DYNC1I1: variants seen among roughly 807,000 people sequenced by gnomAD.
DYNC1I1 encodes dynein cytoplasmic 1 intermediate chain 1, also known as cytoplasmic dynein 1 intermediate chain 1.
DYNC1I1 carries 43 observed loss-of-function variants against 86.6 expected under a neutral mutation model. The observed-to-expected ratio is 0.50, with a 90% CI of 0.39 to 0.64. The LOEUF (loss-of-function observed/expected upper bound fraction) is 0.64. DYNC1I1 is among the 30% of genes least tolerant of loss of function. The pLI is 0.00. For synonymous variants in DYNC1I1, 262 were observed against 283.7 expected (o/e 0.92, Z 0.77); for missense variants, 604 against 788.8 (o/e 0.77, Z 2.81).
intron 1 of DYNC1I1, among the ~76,000 whole-genome samples, chr7:95,791,245 A>T (rs1236030047): frequency 6.6e-6 from 1 of 152,196 alleles, no homozygotes; most frequent in Admixed American, 6.5e-5. Flanking sequence ...TGGGGGTTGC[A>T]AAAACAGCTG....
At chr7:95,777,851 T>TC (rs1793885566) in intron 1 of DYNC1I1, among the ~76,000 whole-genome samples, 1 of 152,200 alleles carries the variant, frequency 6.6e-6, no homozygotes, top group African/African-American at 2.4e-5. Flanking sequence ...CATTTTTTTT[T>TC]CTCTTTTATA....
At position 96,098,394 on chromosome 7, in the gene DYNC1I1, A is replaced by G; in HGVS notation, c.*801A>G. ...AAAGTCTATGGTTCCTAAATATGAC[A>G]TCAGTGTTGCCAATAAAATGTTTCA... On this transcript the variant is annotated 3_prime_UTR_variant, in exon 17 of 17. Transcript: ENST00000447467. 1.0e-6 allele frequency: 1 copy of G among 985,564 alleles called. No homozygotes were observed. Among genetic ancestry groups the G allele is most frequent in the Non-Finnish European group, 1.2e-6 (1 of 829,946 alleles). 61.1% of individuals were successfully genotyped at this position (985,564 alleles called of 1,614,324 possible).
At chr7:95,844,259 A>G (rs949751428) in intron 5 of DYNC1I1, among the ~76,000 whole-genome samples, 2 of 152,230 alleles carry the variant, frequency 1.3e-5, no homozygotes, top group Non-Finnish European at 2.9e-5. Flanking sequence ...ACGTATTAGT[A>G]TATCAAACTC....
At chr7:95,809,084 T>G (rs1057003502) in intron 2 of DYNC1I1, among the ~76,000 whole-genome samples, 1 of 152,170 alleles carries the variant, frequency 6.6e-6, no homozygotes, top group Non-Finnish European at 1.5e-5. Flanking sequence ...CTAAGACTCT[T>G]ATAAGCCCTT....
chr7:95,878,097 G>T (rs960135928), intron 6 of DYNC1I1, among the ~76,000 whole-genome samples: 1 of 152,058 alleles, frequency 6.6e-6, no homozygotes, highest in South Asian at 2.1e-4. Context: ...CTGGGGGTTG[G>T]GGGGACTGGT....
intron 13 of DYNC1I1, among the ~76,000 whole-genome samples, chr7:96,036,446 A>G (rs559846295): frequency 2.6e-5 from 4 of 152,358 alleles, no homozygotes; most frequent in African/African-American, 9.6e-5. Flanking sequence ...GGAGAAAATT[A>G]AAGTAGAATA....
chr7:95,785,763 A>G (rs1794116701), intron 1 of DYNC1I1, among the ~76,000 whole-genome samples: 1 of 114,976 alleles, frequency 8.7e-6, no homozygotes, highest in Non-Finnish European at 1.8e-5. Context: ...ATGTATATAT[A>G]TGTGTGTATG....
chr7:96,050,973 A>G (rs1467332076), intron 14 of DYNC1I1, among the ~76,000 whole-genome samples: 2 of 152,298 alleles, frequency 1.3e-5, no homozygotes, highest in Middle Eastern at 3.4e-3. Flanking sequence ...TAGCACATTA[A>G]ATTTCCTGTC....
chr7:95,987,343 T>C (rs1460499927), intron 9 of DYNC1I1, among the ~76,000 whole-genome samples, 188 bp downstream of exon 9: 2 of 152,198 alleles, frequency 1.3e-5, no homozygotes, highest in Non-Finnish European at 2.9e-5. Context: ...GTACCTACTA[T>C]GTGCTAGGTA....
chr7:95,806,718 G>A (rs1237038374), intron 2 of DYNC1I1, among the ~76,000 whole-genome samples: 1 of 152,096 alleles, frequency 6.6e-6, no homozygotes, highest in Non-Finnish European at 1.5e-5. Context: ...GTCAGATTTT[G>A]GGATCCGTTG....
chr7:96,041,430 A>C lies in DYNC1I1; in HGVS notation c.1509+2009A>C, dbSNP rs192389778. Reference sequence around the variant, plus strand: ...GGATTTAGCAATATCTAAAAATAATACATGTTTTAACAGAACAATTTCCAC... The same window carrying C: ...GGATTTAGCAATATCTAAAAATAATCCATGTTTTAACAGAACAATTTCCAC... On this transcript the variant is annotated intron_variant, in intron 14 of 16. Coordinates refer to ENST00000447467, the MANE Select transcript of DYNC1I1 (RefSeq NM_001135556.2). 9.2e-5 allele frequency among the ~76,000 whole-genome samples: 14 copies of C among 152,330 alleles called. No individual in the cohort carries two copies. In the East Asian group the frequency reaches 2.5e-3, roughly 27 times the overall value.
intron 5 of DYNC1I1, among the ~76,000 whole-genome samples, chr7:95,849,793 G>C (rs778257281): frequency 6.6e-6 from 1 of 152,124 alleles, no homozygotes; most frequent in Non-Finnish European, 1.5e-5. Context: ...CATAGAATTT[G>C]TAGGTCACTT....
chr7:95,855,796 A>C (rs1173060588), intron 5 of DYNC1I1, among the ~76,000 whole-genome samples: 1 of 152,214 alleles, frequency 6.6e-6, no homozygotes, highest in Non-Finnish European at 1.5e-5. Flanking sequence ...ATGGTATAAA[A>C]GATAAAAAAT....
intron 6 of DYNC1I1, among the ~76,000 whole-genome samples, chr7:95,949,404 T>C (rs1366891514): frequency 6.6e-6 from 1 of 152,238 alleles, no homozygotes; most frequent in African/African-American, 2.4e-5. Flanking sequence ...GTGGAAGTGA[T>C]GCGTAATTCA....
At chr7:95,833,508 A>C (rs1408556679) in intron 5 of DYNC1I1, among the ~76,000 whole-genome samples, 292 of 137,918 alleles carry the variant, frequency 2.1e-3, no homozygotes, top group African/African-American at 7.4e-3. Flanking sequence ...TCTGTGAAGA[A>C]AGTCATTGGT....
chr7:95,854,997 A>G (rs1400686011), intron 5 of DYNC1I1, among the ~76,000 whole-genome samples: 2 of 152,188 alleles, frequency 1.3e-5, no homozygotes, highest in South Asian at 2.1e-4. Flanking sequence ...GCTGTTCACT[A>G]TGTATGAAGG....
intron 16 of DYNC1I1, among the ~76,000 whole-genome samples, chr7:96,094,428 T>G (rs1393140528): frequency 6.6e-6 from 1 of 152,190 alleles, no homozygotes; most frequent in Non-Finnish European, 1.5e-5. Context: ...AATCAGAGAC[T>G]ACCACGTGAG....
At chr7:96,063,638 T>C (rs1274760350) in intron 14 of DYNC1I1, among the ~76,000 whole-genome samples, 3 of 152,190 alleles carry the variant, frequency 2.0e-5, no homozygotes, top group Admixed American at 2.0e-4. Context: ...ACACCAGTCA[T>C]ACTGGATTAC....
intron 1 of DYNC1I1, among the ~76,000 whole-genome samples, chr7:95,782,711 T>C (rs1194725170): frequency 6.6e-6 from 1 of 152,204 alleles, no homozygotes; most frequent in Non-Finnish European, 1.5e-5. Context: ...TTGTCCGGCA[T>C]CCAGGAAGAA....
Sources: allele counts gnomAD v4.1 joint callset (sites outside exome capture counted in the v4.1 genomes callset), GRCh38; gene constraint gnomAD v4.1.1; transcripts MANE v1.5; gene names NCBI Gene and HGNC (gene_info 2026-07-23, HGNC 2026-07-21).